The following MEIKIN variants were observed in gnomAD, a reference collection of about 807,000 sequenced individuals.
MEIKIN encodes meiosis-specific kinetochore protein.
intron 8 of MEIKIN, among the ~76,000 whole-genome samples, chr5:131,909,171 A>G (rs918825994): frequency 6.6e-6 from 1 of 152,228 alleles, no homozygotes; most frequent in Non-Finnish European, 1.5e-5. Context: ...AAATTATACT[A>G]TGGCGCTACA....
At chr5:131,839,521 T>C (rs1749867532) in intron 11 of MEIKIN, among the ~76,000 whole-genome samples, 1 of 152,254 alleles carries the variant, frequency 6.6e-6, no homozygotes, top group Admixed American at 6.5e-5. Flanking sequence ...ACTTGCCTTA[T>C]GAATCTGGGT....
At chr5:131,826,666 T>C (rs777455137) in intron 11 of MEIKIN, among the ~76,000 whole-genome samples, 2 of 152,280 alleles carry the variant, frequency 1.3e-5, no homozygotes, top group Non-Finnish European at 2.9e-5. Flanking sequence ...GGAGGCAGTT[T>C]CCCCCATGCT....
At chr5:131,921,698 A>T in intron 6 of MEIKIN, 124 bp downstream of exon 6, 1 of 391,310 alleles carries the variant, frequency 2.6e-6, no homozygotes, top group Non-Finnish European at 4.5e-6. Flanking sequence ...TTATGCTATT[A>T]TTAGATATTA....
intron 5 of MEIKIN, among the ~76,000 whole-genome samples, chr5:131,931,079 G>A (rs1353065513): frequency 1.3e-5 from 2 of 152,108 alleles, no homozygotes; most frequent in Non-Finnish European, 2.9e-5. Context: ...GAAAATAACA[G>A]CCACTTCTCC....
chr5:131,866,997 T>A (rs1750395678), intron 9 of MEIKIN, among the ~76,000 whole-genome samples: 1 of 152,168 alleles, frequency 6.6e-6, no homozygotes, highest in South Asian at 2.1e-4. Context: ...AAGCTTCCTA[T>A]AACCCTGCAT....
chr5:131,897,507 T>A (rs766429362), intron 8 of MEIKIN, among the ~76,000 whole-genome samples: 10 of 152,200 alleles, frequency 6.6e-5, no homozygotes, highest in Admixed American at 2.6e-4. Context: ...ATTCTCCCCA[T>A]CACTTTCAGG....
At chr5:131,821,658 C>A (rs542793348) in intron 11 of MEIKIN, among the ~76,000 whole-genome samples, 6 of 25,838 alleles carry the variant, frequency 2.3e-4, no homozygotes, top group African/African-American at 7.5e-4. Flanking sequence ...TTTTTTTTTG[C>A]GAGACAAGAT....
intron 7 of MEIKIN, among the ~76,000 whole-genome samples, chr5:131,915,510 T>C (rs1751401829): frequency 6.6e-6 from 1 of 152,188 alleles, no homozygotes; most frequent in Non-Finnish European, 1.5e-5. Flanking sequence ...TTAGGGTGAC[T>C]ATTTGTCCAA....
intron 11 of MEIKIN, among the ~76,000 whole-genome samples, chr5:131,847,312 T>A (rs2149613620): frequency 6.6e-6 from 1 of 152,224 alleles, no homozygotes. Flanking sequence ...GAGACTCACT[T>A]TAGATCCAAA....
intron 9 of MEIKIN, among the ~76,000 whole-genome samples, chr5:131,871,659 C>A (rs536185209): frequency 7.4e-4 from 113 of 152,276 alleles, no homozygotes; most frequent in South Asian, 6.2e-3. Flanking sequence ...AGTGGTTCTC[C>A]CAGCACGCAG....
At chr5:131,896,325 C>G (rs1228800983) in intron 8 of MEIKIN, among the ~76,000 whole-genome samples, 2 of 152,076 alleles carry the variant, frequency 1.3e-5, no homozygotes, top group South Asian at 2.1e-4. Context: ...AATTTTAGAA[C>G]AAGTCCAATG....
chr5:131,932,207 T>C (rs1751702794), intron 5 of MEIKIN, among the ~76,000 whole-genome samples: 1 of 152,250 alleles, frequency 6.6e-6, no homozygotes, highest in African/African-American at 2.4e-5. Context: ...TTTTACTTAA[T>C]TCCCTCTTCC....
At chr5:131,939,630 G>A (rs891093126) in intron 4 of MEIKIN, among the ~76,000 whole-genome samples, 5 of 152,040 alleles carry the variant, frequency 3.3e-5, no homozygotes, top group African/African-American at 9.7e-5. Context: ...TTCCAAGGTA[G>A]AATTAAAACA....
chr5:131,928,036 C>A (rs560028792), intron 5 of MEIKIN, among the ~76,000 whole-genome samples: 1 of 150,786 alleles, frequency 6.6e-6, no homozygotes, highest in Non-Finnish European at 1.5e-5. Context: ...CCCAGCTACA[C>A]GGGAGGCTGA....
chr5:131,839,870 T>C (rs1285982357), intron 11 of MEIKIN, among the ~76,000 whole-genome samples: 1 of 152,226 alleles, frequency 6.6e-6, no homozygotes, highest in East Asian at 1.9e-4. Context: ...TATTGAAATG[T>C]ATGGATTTGA....
At chr5:131,809,887 G>A (rs1357489282) in intron 12 of MEIKIN, among the ~76,000 whole-genome samples, 2 of 150,406 alleles carry the variant, frequency 1.3e-5, no homozygotes, top group Non-Finnish European at 1.5e-5. Flanking sequence ...CTAAACTTGA[G>A]AAATTAACCT....
rs182215005 is a variant in MEIKIN at position 131,872,542 on chromosome 5, G to A, written c.774+6436C>T. Among the ~76,000 whole-genome samples the A allele has an allele frequency of 6.2e-3, 937 of 152,298 alleles. 12 individuals carry two copies. The highest frequency in any genetic ancestry group is 0.019 in the African/African-American group (801 of 41,554). The stretch of plus-strand genomic sequence containing the variant: ...TCTGATTGGTGTACCTGAAAGTGAC[G>A]GGGAGAATGGAACCAAGCTGGAAAA... On this transcript the variant is annotated intron_variant, in intron 9 of 12. Coordinates refer to ENST00000442687, the MANE Select transcript of MEIKIN (RefSeq NM_001303622.2).
intron 3 of MEIKIN, 25 bp downstream of exon 3, chr5:131,944,640 A>C: frequency 2.5e-6 from 1 of 399,086 alleles, no homozygotes; most frequent in Non-Finnish European, 4.4e-6. Flanking sequence ...AGTGTGTCCA[A>C]GGACTAAAAG....
intron 9 of MEIKIN, among the ~76,000 whole-genome samples, chr5:131,873,423 G>A (rs1715131428): frequency 6.6e-6 from 1 of 152,172 alleles, no homozygotes; most frequent in Admixed American, 6.5e-5. Context: ...TAATGGTAAA[G>A]GCATCAATTC....
Sources: gnomAD v4.1 joint callset for allele counts (sites outside exome capture counted in the v4.1 genomes callset) on GRCh38, gnomAD v4.1.1 for gene constraint, MANE v1.5 for transcripts, NCBI Gene and HGNC (gene_info 2026-07-23, HGNC 2026-07-21) for gene names.